The following NTM variants were observed in gnomAD, a reference collection of about 807,000 sequenced individuals.
NTM encodes the protein neurotrimin.
In NTM, 13 loss-of-function variants were observed where a neutral mutation model predicts 42.1. The ratio of observed to expected loss-of-function variants is 0.31; its 90% CI spans 0.20 to 0.49. The LOEUF (loss-of-function observed/expected upper bound fraction) is 0.49. Among genes scored for constraint, NTM ranks in the 20% least tolerant of loss-of-function variants. The pLI is 0.99. For missense variants in NTM, 373 were observed against 452.8 expected, an observed-to-expected ratio of 0.82 and a Z score of 1.60; for synonymous variants, 187 against 179.2, an observed-to-expected ratio of 1.04 and a Z score of -0.35.
At chr11:131,979,923 G>A (rs571138967) in intron 2 of NTM, among the ~76,000 whole-genome samples, 31 of 152,282 alleles carry the variant, frequency 2.0e-4, no homozygotes, top group Non-Finnish European at 3.5e-4. Flanking sequence ...CTTGCTCTTT[G>A]CACATATTAA....
intron 1 of NTM, among the ~76,000 whole-genome samples, chr11:131,690,801 C>T (rs190315203): frequency 1.9e-3 from 292 of 152,294 alleles, no homozygotes; most frequent in South Asian, 3.9e-3. Flanking sequence ...GATCATGGAG[C>T]AGAGCCAGCC....
intron 1 of NTM, among the ~76,000 whole-genome samples, chr11:131,894,287 T>A (rs911927491): frequency 1.3e-5 from 2 of 152,202 alleles, no homozygotes; most frequent in East Asian, 1.9e-4. Context: ...CTATAAAGTA[T>A]TGGCCTAAAG....
intron 1 of NTM, among the ~76,000 whole-genome samples, chr11:131,789,293 T>G (rs2089788552): frequency 1.3e-5 from 2 of 150,636 alleles, no homozygotes; most frequent in Non-Finnish European, 2.9e-5. Context: ...AAGAGTATTT[T>G]AAAAAGACAC....
At chr11:131,564,477 G>A (rs1019642561) in intron 1 of NTM, among the ~76,000 whole-genome samples, 1 of 151,822 alleles carries the variant, frequency 6.6e-6, no homozygotes, top group Non-Finnish European at 1.5e-5. Flanking sequence ...AGAGAGAGCA[G>A]GCTCTTTAGT....
At chr11:131,715,846 G>A (rs1049190650) in intron 1 of NTM, among the ~76,000 whole-genome samples, 1 of 152,122 alleles carries the variant, frequency 6.6e-6, no homozygotes, top group Non-Finnish European at 1.5e-5. Flanking sequence ...CATTTTTATT[G>A]CTGAAAAGTA....
intron 4 of NTM, among the ~76,000 whole-genome samples, chr11:132,291,321 A>G (rs12808059): frequency 0.1 from 15,655 of 152,168 alleles, 1,088 homozygotes; most frequent in Non-Finnish European, 0.16. Context: ...AGGAAGCGTT[A>G]AGTACTGAGT....
At chr11:132,172,183 G>T (rs2076207181) in intron 3 of NTM, among the ~76,000 whole-genome samples, 1 of 152,210 alleles carries the variant, frequency 6.6e-6, no homozygotes, top group Admixed American at 6.5e-5. Context: ...TGAACATAGA[G>T]ATCATATGAT....
At chr11:131,817,868 T>C (rs966668912) in intron 1 of NTM, among the ~76,000 whole-genome samples, 3 of 152,264 alleles carry the variant, frequency 2.0e-5, no homozygotes, top group Non-Finnish European at 4.4e-5. Context: ...AGACTTCTCA[T>C]GGGAGCTGAG....
intron 2 of NTM, among the ~76,000 whole-genome samples, chr11:132,090,003 T>C (rs1012409716): frequency 6.6e-6 from 1 of 152,216 alleles, no homozygotes; most frequent in African/African-American, 2.4e-5. Flanking sequence ...TGTATGCTAA[T>C]CACTCTTCCA....
intron 3 of NTM, among the ~76,000 whole-genome samples, chr11:132,158,055 T>C (rs1462561894): frequency 2.0e-5 from 3 of 152,234 alleles, no homozygotes; most frequent in Non-Finnish European, 4.4e-5. Context: ...CTGTTCTCCA[T>C]GCTCAGCGAA....
At chr11:131,704,978 C>G (rs1042845036) in intron 1 of NTM, among the ~76,000 whole-genome samples, 2 of 152,046 alleles carry the variant, frequency 1.3e-5, no homozygotes, top group African/African-American at 2.4e-5. Context: ...CTAGGACTTA[C>G]AGGACACAAT....
chr11:131,938,351 A>G (rs993611660), intron 2 of NTM, among the ~76,000 whole-genome samples: 3 of 152,218 alleles, frequency 2.0e-5, no homozygotes, highest in African/African-American at 7.2e-5. Flanking sequence ...GAAGCACAGA[A>G]TTCTAATGAG....
intron 1 of NTM, among the ~76,000 whole-genome samples, chr11:131,407,986 G>GC (rs1407911150): frequency 1.3e-5 from 2 of 152,188 alleles, no homozygotes; most frequent in African/African-American, 4.8e-5. Flanking sequence ...AAGTAGCGCG[G>GC]CCCCCAGCCA....
At chr11:132,019,726 A>G (rs1175914056) in intron 2 of NTM, among the ~76,000 whole-genome samples, 1 of 152,056 alleles carries the variant, frequency 6.6e-6, no homozygotes, top group South Asian at 2.1e-4. Context: ...TGAATCTAAC[A>G]TGTAGAAACC....
At chr11:131,599,831 G>C (rs1313620974) in intron 1 of NTM, among the ~76,000 whole-genome samples, 1 of 152,202 alleles carries the variant, frequency 6.6e-6, no homozygotes, top group East Asian at 1.9e-4. Context: ...AATGGTTGGG[G>C]ATTTCTCCCA....
intron 1 of NTM, among the ~76,000 whole-genome samples, chr11:131,822,523 G>C (rs1202389012): frequency 6.6e-6 from 1 of 152,180 alleles, no homozygotes; most frequent in African/African-American, 2.4e-5. Flanking sequence ...AAGAACGCGT[G>C]TACAGAGGGA....
At chr11:131,399,963 A>T (rs1944955171) in intron 1 of NTM, among the ~76,000 whole-genome samples, 2 of 152,158 alleles carry the variant, frequency 1.3e-5, no homozygotes, top group African/African-American at 4.8e-5. Context: ...AATTGCTAGT[A>T]TGCACCTATT....
intron 4 of NTM, among the ~76,000 whole-genome samples, chr11:132,267,939 CA>C (rs2093290195): frequency 6.6e-6 from 1 of 151,490 alleles, no homozygotes; most frequent in African/African-American, 2.4e-5. Context: ...GTTTTTTTTG[CA>C]TTCAGGAAAT....
intron 1 of NTM, among the ~76,000 whole-genome samples, chr11:131,691,577 T>A: frequency 6.8e-6 from 1 of 146,842 alleles, no homozygotes. Flanking sequence ...CGACTTCCCT[T>A]CCATGTCCTT....
Sources: gnomAD v4.1 joint callset for allele counts (sites outside exome capture counted in the v4.1 genomes callset) on GRCh38, gnomAD v4.1.1 for gene constraint, MANE v1.5 for transcripts, NCBI Gene and HGNC (gene_info 2026-07-23, HGNC 2026-07-21) for gene names.